The following EGFR variants were observed in gnomAD, a reference collection of about 807,000 sequenced individuals.
The protein encoded by EGFR is avian erythroblastic leukemia viral (v-erb-b) oncogene homolog.
EGFR carries 58 observed loss-of-function variants against 143.0 expected under a neutral mutation model. The observed-to-expected ratio is 0.41, with a 90% CI of 0.33 to 0.50. The LOEUF is 0.50. Among genes scored for constraint, EGFR ranks in the 20% least tolerant of loss-of-function variants. EGFR has a pLI of 0.39. For synonymous variants in EGFR, 613 were observed against 594.4 expected, an observed-to-expected ratio of 1.03 and a Z score of -0.45; for missense variants, 1,307 against 1,579.0, an observed-to-expected ratio of 0.83 and a Z score of 2.92.
chr7:55,160,278 CTGTT>C lies in EGFR; in HGVS notation c.1441_1444del (p.Phe481GlyfsTer10). On this transcript the variant is annotated frameshift_variant, in exon 12 of 28. Coordinates refer to ENST00000275493, the MANE Select transcript of EGFR (RefSeq NM_005228.5). LOFTEE classifies it high-confidence loss of function. The stretch of plus-strand genomic sequence containing the variant: ...TGCAAATACAATAAACTGGAAAAAA[CTGTT>C]TGGGACCTCCGGTCAGAAAACCAAA... 6.2e-7 allele frequency: 1 copy of C among 1,614,008 alleles called. No individual in the cohort carries two copies. Among genetic ancestry groups the C allele is most frequent in the African/African-American group, 1.3e-5 (1 of 75,058 alleles).
chr7:55,030,086 G>A lies in EGFR; in HGVS notation c.88+10721G>A, dbSNP rs892907604. On this transcript the variant is annotated intron_variant, in intron 1 of 27. Coordinates refer to ENST00000275493, the MANE Select transcript of EGFR (RefSeq NM_005228.5). ...GAGGTGAGGGACCCAGGCTCAGAGC[G>A]ATTCTGCTGTTGTCCGTAATCACCA... 6.6e-5 allele frequency among the ~76,000 whole-genome samples: 10 copies of A among 152,258 alleles called. No individual in the cohort carries two copies. In the East Asian group the frequency reaches 7.7e-4, roughly 12 times the overall value.
chr7:55,041,184 G>A (rs1015057542), intron 1 of EGFR, among the ~76,000 whole-genome samples: 9 of 152,188 alleles, frequency 5.9e-5, no homozygotes, highest in South Asian at 2.1e-4. Flanking sequence ...AGTCTGAGGC[G>A]GGTGGATCAC....
intron 1 of EGFR, among the ~76,000 whole-genome samples, chr7:55,092,267 C>G (rs1315743828): frequency 6.6e-6 from 1 of 152,190 alleles, no homozygotes; most frequent in East Asian, 1.9e-4. Flanking sequence ...CAATTAGATG[C>G]TGAGTCCTAC....
rs75657102 is a variant in EGFR at position 55,099,521 on chromosome 7, G to A, written c.89-42765G>A. Among the ~76,000 whole-genome samples, 983 of 152,310 alleles carry A rather than the reference G, an allele frequency of 6.5e-3. 8 individuals carry two copies. Among genetic ancestry groups the A allele is most frequent in the African/African-American group, 0.023 (940 of 41,558 alleles). On this transcript the variant is annotated intron_variant, in intron 1 of 27. Transcript: ENST00000275493. ...GCAGGACATGCAGTCCCAGATGGAGGGGGGAATTCGGGAGCTGGTTGGAAA... is the reference window on the plus strand; with the variant it reads ...GCAGGACATGCAGTCCCAGATGGAGAGGGGAATTCGGGAGCTGGTTGGAAA...
At position 55,146,724 on chromosome 7, in the gene EGFR, G is replaced by A. The variant is rs1584152882; in HGVS notation, c.543G>A (p.Gln181=). 1.2e-6 allele frequency: 2 copies of A among 1,614,150 alleles called. No homozygotes were observed. The highest frequency in any genetic ancestry group is 2.2e-5 in the East Asian group (1 of 44,886). The change falls in exon 4 of 28, where the codon CAG becomes CAA. Residue 181 remains glutamine (Q), a synonymous_variant. Coordinates refer to ENST00000275493, the MANE Select transcript of EGFR (RefSeq NM_005228.5). ...DFLSNMSMDF[Q]NHLGSCQKCD... ...TCAGCAACATGTCGATGGACTTCCAGAACCACCTGGGCAGCTGTAAGTGTC... is the reference window on the plus strand; with the variant it reads ...TCAGCAACATGTCGATGGACTTCCAAAACCACCTGGGCAGCTGTAAGTGTC...
intron 6 of EGFR, 128 bp downstream of exon 6, chr7:55,152,792 C>T (rs2128934069): frequency 1.3e-6 from 1 of 748,318 alleles, no homozygotes; most frequent in South Asian, 1.7e-5. Context: ...AGGATATTGC[C>T]CTCTGCCTGG....
intron 27 of EGFR, among the ~76,000 whole-genome samples, chr7:55,204,503 A>G: frequency 7.2e-6 from 1 of 139,768 alleles, no homozygotes; most frequent in African/African-American, 2.6e-5. Flanking sequence ...AAAACCCCAC[A>G]CACACACAAA....
chr7:55,137,747 G>T (rs778271304), intron 1 of EGFR, among the ~76,000 whole-genome samples: 5 of 152,180 alleles, frequency 3.3e-5, no homozygotes, highest in African/African-American at 7.2e-5. Flanking sequence ...TGTGGTGTGA[G>T]TCCATCTATG....
intron 19 of EGFR, among the ~76,000 whole-genome samples, chr7:55,176,435 A>G (rs971226762): frequency 2.3e-4 from 35 of 152,186 alleles, no homozygotes; most frequent in African/African-American, 7.7e-4. Context: ...TGAAGCGTCC[A>G]TGGGCCTGGC....
At position 55,202,510 on chromosome 7, in the gene EGFR, C is replaced by A. The variant is rs2128972980; in HGVS notation, c.3163-7C>A. 6.2e-7 allele frequency: 1 copy of A among 1,601,082 alleles called. No homozygotes were observed. Among genetic ancestry groups the A allele is most frequent in the Non-Finnish European group, 8.5e-7 (1 of 1,173,854 alleles). On this transcript the variant is annotated splice_region_variant and splice_polypyrimidine_tract_variant and intron_variant, in intron 26 of 27. Transcript: ENST00000275493. ...CCGGAGTAACCTTCCCTCATTTCCTCCTGCAGCTGCAAAGCTGTCCCATCA... is the reference window on the plus strand; with the variant it reads ...CCGGAGTAACCTTCCCTCATTTCCTACTGCAGCTGCAAAGCTGTCCCATCA...
intron 1 of EGFR, among the ~76,000 whole-genome samples, chr7:55,038,281 T>G (rs1004782369): frequency 6.6e-6 from 1 of 152,174 alleles, no homozygotes; most frequent in African/African-American, 2.4e-5. Context: ...AACTTGATTC[T>G]GAGGACACCA....
At chr7:55,020,582 A>G (rs1373182304) in intron 1 of EGFR, among the ~76,000 whole-genome samples, 2 of 151,910 alleles carry the variant, frequency 1.3e-5, no homozygotes, top group African/African-American at 4.8e-5. Context: ...ACACACACAC[A>G]CACACACACA....
At chr7:55,132,770 T>C (rs151170616) in intron 1 of EGFR, among the ~76,000 whole-genome samples, 20 of 152,348 alleles carry the variant, frequency 1.3e-4, no homozygotes, top group African/African-American at 4.8e-4. Flanking sequence ...GACTCACATA[T>C]TCCTTCAGGG....
At chr7:55,204,925 C>T (rs1788049912) in intron 27 of EGFR, among the ~76,000 whole-genome samples, 1 of 151,414 alleles carries the variant, frequency 6.6e-6, no homozygotes, top group Admixed American at 6.6e-5. Context: ...CATACACACA[C>T]ATATACACAC....
intron 22 of EGFR, 80 bp from the exon 23 acceptor site, chr7:55,198,637 C>T (rs2128968481): frequency 6.3e-7 from 1 of 1,596,986 alleles, no homozygotes; most frequent in Non-Finnish European, 8.6e-7. Flanking sequence ...AAACAGTAAC[C>T]AGTAATGATG....
chr7:55,160,518 C>G (rs1485186780), intron 12 of EGFR, among the ~76,000 whole-genome samples, 180 bp downstream of exon 12: 3 of 152,290 alleles, frequency 2.0e-5, no homozygotes, highest in East Asian at 3.9e-4. Flanking sequence ...AAACTTTTTC[C>G]AGATCATTAC....
At chr7:55,180,817 C>T in intron 19 of EGFR, 1 of 202,388 alleles carries the variant, frequency 4.9e-6, no homozygotes, top group South Asian at 9.6e-5. Context: ...CATCGCTTGT[C>T]CTCTGCAGCA....
At chr7:55,181,542 C>T (rs17337205) in intron 20 of EGFR, 64 bp downstream of exon 20, 11 of 1,597,860 alleles carry the variant, frequency 6.9e-6, no homozygotes, top group African/African-American at 6.7e-5. Flanking sequence ...ATGCGGTCTG[C>T]GCTCCTGGGA....
chr7:55,088,759 T>C (rs181166998), intron 1 of EGFR, among the ~76,000 whole-genome samples: 2 of 152,326 alleles, frequency 1.3e-5, no homozygotes, highest in East Asian at 3.9e-4. Context: ...CCTTCGCAAT[T>C]GAAACCAAAA....
Sources: gnomAD v4.1 joint callset for allele counts (sites outside exome capture counted in the v4.1 genomes callset) on GRCh38, gnomAD v4.1.1 for gene constraint, MANE v1.5 for transcripts, NCBI Gene and HGNC (gene_info 2026-07-23, HGNC 2026-07-21) for gene names.